The following AVL9 variants were observed in gnomAD, a reference collection of about 807,000 sequenced individuals.
AVL9 encodes late secretory pathway protein AVL9 homolog.
AVL9 carries 49 observed loss-of-function variants against 79.2 expected under a neutral mutation model. The ratio of observed to expected loss-of-function variants is 0.62; its 90% CI spans 0.49 to 0.79. The LOEUF is 0.79. AVL9 is among the 30% of genes least tolerant of loss of function. The pLI, the probability that AVL9 is intolerant of heterozygous loss-of-function variation, is 0.00. For synonymous variants in AVL9, 299 were observed against 280.6 expected (o/e 1.07, Z -0.65); for missense variants, 682 against 776.8 (o/e 0.88, Z 1.45).
At chr7:32,524,746 C>G (rs974494720) in intron 1 of AVL9, among the ~76,000 whole-genome samples, 1 of 152,152 alleles carries the variant, frequency 6.6e-6, no homozygotes, top group Non-Finnish European at 1.5e-5. Context: ...GACAAATCCT[C>G]CACTTCATAG....
rs1056027254 is a variant in AVL9, at chr7:32,585,754, T to C, written c.*1847T>C. ...AACTCAAGAATTCAGCGATGATAAATTGAAGGGCTGAATGTGAGAACTCCA... is the reference window on the plus strand; with the variant it reads ...AACTCAAGAATTCAGCGATGATAAACTGAAGGGCTGAATGTGAGAACTCCA... On this transcript the variant is annotated 3_prime_UTR_variant, in exon 16 of 16. Transcript: ENST00000318709. 5.3e-5 allele frequency: 8 copies of C among 152,220 alleles called. No individual in the cohort carries two copies. The highest frequency in any genetic ancestry group is 1.9e-4 in the African/African-American group (8 of 41,456). 9.4% of individuals were successfully genotyped at this position (152,220 alleles called of 1,614,324 possible). A position where few individuals can be genotyped will look rare whatever the true frequency, so the allele number is the denominator to read the frequency against.
At chr7:32,550,048 T>C (rs1789740680) in intron 4 of AVL9, among the ~76,000 whole-genome samples, 1 of 152,130 alleles carries the variant, frequency 6.6e-6, no homozygotes, top group African/African-American at 2.4e-5. Flanking sequence ...CTGAAAAATA[T>C]ACATGAGTGA....
chr7:32,566,180 A>ATCTCTTTTTTTTTTTTTTT (rs70992731), intron 10 of AVL9, among the ~76,000 whole-genome samples: 3 of 93,878 alleles, frequency 3.2e-5, no homozygotes, highest in African/African-American at 1.2e-4. Context: ...TATTATTATT[A>ATCTCTTTTTTTTTTTTTTT]TTTTTTTTTT....
At chr7:32,551,605 C>CTTTTTTTTTTTTT (rs60271681) in intron 5 of AVL9, among the ~76,000 whole-genome samples, 182 bp downstream of exon 5, 1,092 of 93,698 alleles carry the variant, frequency 0.012, 139 homozygotes, top group African/African-American at 0.013. Context: ...TTTAACCAAA[C>CTTTTTTTTTTTTT]TTTTTTTTTT....
At chr7:32,567,304 G>A (rs1324387463) in intron 10 of AVL9, among the ~76,000 whole-genome samples, 2 of 152,104 alleles carry the variant, frequency 1.3e-5, no homozygotes, top group Non-Finnish European at 2.9e-5. Context: ...GTTTCACCGT[G>A]TTGCTCAGGC....
At chr7:32,510,038 G>C (rs1787588887) in intron 1 of AVL9, among the ~76,000 whole-genome samples, 1 of 152,222 alleles carries the variant, frequency 6.6e-6, no homozygotes, top group African/African-American at 2.4e-5. Context: ...CATTAAATCA[G>C]CCTTCTGGGA....
At chr7:32,499,022 G>A (rs139736557) in intron 1 of AVL9, among the ~76,000 whole-genome samples, 39 of 140 alleles carry the variant, frequency 0.28, 2 homozygotes, top group Non-Finnish European at 0.35. Flanking sequence ...AATTAGCTGC[G>A]CGTGGTGGCA....
chr7:32,539,249 CAAAAA>C (rs958005858), intron 1 of AVL9: 1 of 150,292 alleles, frequency 6.7e-6, no homozygotes, highest in South Asian at 2.1e-4. Context: ...AACTCCATCT[CAAAAA>C]AAAAGAAAAG....
Position 32,554,721 on chromosome 7 carries a change from A to T in AVL9, c.609+125A>T, listed in dbSNP as rs7799461. 4.2e-3 allele frequency: 2,276 copies of T among 543,150 alleles called. 45 individuals carry two copies. The highest frequency in any genetic ancestry group is 0.04 in the African/African-American group (2,023 of 50,892). 33.6% of individuals were successfully genotyped at this position (543,150 alleles called of 1,614,324 possible). A position where few individuals can be genotyped will look rare whatever the true frequency, so the allele number is the denominator to read the frequency against. ...GATACTTTTTGCCTATCATTGTGGT[A>T]AGCTGAAGCACATTTTCTTGTTCTC... is the stretch of plus-strand genomic sequence containing the variant. On this transcript the variant is annotated intron_variant, in intron 8 of 15. Transcript: ENST00000318709.
At chr7:32,508,505 T>C (rs1417638506) in intron 1 of AVL9, among the ~76,000 whole-genome samples, 3 of 152,244 alleles carry the variant, frequency 2.0e-5, no homozygotes, top group Admixed American at 2.0e-4. Context: ...ACATTGTTTT[T>C]TCCTACTAAG....
intron 3 of AVL9, among the ~76,000 whole-genome samples, chr7:32,548,140 A>ATC (rs1207730971): frequency 4.1e-5 from 3 of 72,690 alleles, no homozygotes; most frequent in African/African-American, 1.1e-4. Context: ...TGTTTTTGTC[A>ATC]TCTCTTTTTT....
chr7:32,497,011 CA>C (rs1786852698), intron 1 of AVL9, among the ~76,000 whole-genome samples: 1 of 152,182 alleles, frequency 6.6e-6, no homozygotes, highest in Non-Finnish European at 1.5e-5. Context: ...AAGGTGGGAA[CA>C]TCGCTTGAGC....
At chr7:32,578,343 A>G (rs1301384494) in intron 13 of AVL9, among the ~76,000 whole-genome samples, 1 of 152,232 alleles carries the variant, frequency 6.6e-6, no homozygotes, top group Non-Finnish European at 1.5e-5. Context: ...GCATTAATGC[A>G]GATTTTCTCT....
At chr7:32,556,272 TGG>T (rs994317596) in intron 8 of AVL9, among the ~76,000 whole-genome samples, 1 of 152,186 alleles carries the variant, frequency 6.6e-6, no homozygotes, top group African/African-American at 2.4e-5. Context: ...CTCAGCACTT[TGG>T]GAGGCTAAGG....
intron 1 of AVL9, among the ~76,000 whole-genome samples, chr7:32,529,001 C>T (rs1038490806): frequency 6.6e-6 from 1 of 152,170 alleles, no homozygotes; most frequent in South Asian, 2.1e-4. Context: ...CAGAGCGAGA[C>T]TGCATCTCAA....
chr7:32,503,373 TAC>T (rs1185553909), intron 1 of AVL9, among the ~76,000 whole-genome samples: 9 of 105,816 alleles, frequency 8.5e-5, no homozygotes, highest in African/African-American at 2.8e-4. Flanking sequence ...TATATATATA[TAC>T]ACACACACAC....
chr7:32,543,029 G>A lies in AVL9; in HGVS notation c.94-112G>A, dbSNP rs1045736986. On this transcript the variant is annotated intron_variant, in intron 1 of 15. Transcript: ENST00000318709. ...TGATGATATCAAATGACATTATACA[G>A]TGTGGCTTATCCCGACTTCTGTCAT... 38 of 1,353,630 alleles carry A rather than the reference G, an allele frequency of 2.8e-5. 1 individual carries two copies. In the African/African-American group the frequency reaches 4.9e-4, roughly 18 times the overall value. 83.9% of individuals were successfully genotyped at this position (1,353,630 alleles called of 1,614,324 possible). A position where few individuals can be genotyped will look rare whatever the true frequency, so the allele number is the denominator to read the frequency against.
At chr7:32,556,921 C>A (rs376189421) in intron 8 of AVL9, among the ~76,000 whole-genome samples, 4 of 152,116 alleles carry the variant, frequency 2.6e-5, no homozygotes, top group South Asian at 4.1e-4. Context: ...CTGGGATTAC[C>A]AGCATGAGCC....
At chr7:32,518,905 C>G (rs1053002633) in intron 1 of AVL9, among the ~76,000 whole-genome samples, 1 of 152,124 alleles carries the variant, frequency 6.6e-6, no homozygotes, top group Non-Finnish European at 1.5e-5. Flanking sequence ...TTGTGTTACT[C>G]TTAGTGCAAG....
Sources: allele counts gnomAD v4.1 joint callset (sites outside exome capture counted in the v4.1 genomes callset), GRCh38; gene constraint gnomAD v4.1.1; transcripts MANE v1.5; gene names NCBI Gene and HGNC (gene_info 2026-07-23, HGNC 2026-07-21).